Variants in HS3ST1 observed in about 807,000 individuals in gnomAD.
HS3ST1 encodes heparan sulfate-glucosamine 3-sulfotransferase 1, also known as heparan sulfate glucosamine 3-O-sulfotransferase 1.
In HS3ST1, 8 loss-of-function variants were observed where a neutral mutation model predicts 20.7. The observed-to-expected ratio is 0.39, with a 90% CI of 0.23 to 0.70. The LOEUF (loss-of-function observed/expected upper bound fraction) is 0.70. HS3ST1 is among the 30% of genes least tolerant of loss of function. The pLI is 0.46. For missense variants in HS3ST1, 436 were observed against 423.4 expected, an observed-to-expected ratio of 1.03 and a Z score of -0.26; for synonymous variants, 205 against 190.4, an observed-to-expected ratio of 1.08 and a Z score of -0.63.
chr4:11,399,263 A>G lies in HS3ST1; in HGVS notation c.743T>C (p.Phe248Ser). Residue 248 changes from phenylalanine to serine, a missense_variant, in exon 2 of 2, where the codon TTT (phenylalanine) becomes TCT (serine). Physicochemically the swap from Phe to Ser is radical, Grantham distance 155 (BLOSUM62 -2). Transcript: ENST00000002596. This position sits in a 1 kb window ranked among gnomAD's most constrained non-coding sequence, Gnocchi z 5.1. ...GCAGTAAAAGCCCTTGGTTTTGTTA[A>G]AGTAGAAGTTCGAAGCATTGATCTG... is the stretch of plus-strand genomic sequence containing the variant. Reference protein sequence around the residue: ...SPQINASNFYFNKTKGFYCLR... With the variant: ...SPQINASNFYSNKTKGFYCLR... The G allele has an allele frequency of 6.2e-7, 1 of 1,614,172 alleles. No homozygotes were observed. The highest frequency in any genetic ancestry group is 8.5e-7 in the Non-Finnish European group (1 of 1,180,034).
At chr4:11,421,898 C>G (rs963615739) in intron 1 of HS3ST1, among the ~76,000 whole-genome samples, 5 of 152,222 alleles carry the variant, frequency 3.3e-5, no homozygotes, top group African/African-American at 1.2e-4. Flanking sequence ...TTCTTCACTT[C>G]TGGACCTCAG....
At chr4:11,416,273 C>T (rs1267459061) in intron 1 of HS3ST1, among the ~76,000 whole-genome samples, 1 of 152,152 alleles carries the variant, frequency 6.6e-6, no homozygotes, top group Non-Finnish European at 1.5e-5. Flanking sequence ...ACCAAATGCC[C>T]CTCCTTTCAT....
intron 1 of HS3ST1, among the ~76,000 whole-genome samples, chr4:11,422,437 G>A (rs934984539): frequency 6.6e-6 from 1 of 152,160 alleles, no homozygotes; most frequent in Admixed American, 6.6e-5. Context: ...GGTGACTCCA[G>A]ATAAACATAC....
Position 11,415,616 on chromosome 4 carries a change from A to G in HS3ST1, c.-109+13083T>C, listed in dbSNP as rs369490042. ...GAAAATTGATGAGTAAGAAAGAAAC[A>G]TTCTCCAGTGAAAGCAGAAAAATGC... On this transcript the variant is annotated intron_variant, in intron 1 of 1. Coordinates refer to ENST00000002596, the MANE Select transcript of HS3ST1 (RefSeq NM_005114.4). Among the ~76,000 whole-genome samples, 183 of 152,376 alleles carry G rather than the reference A, an allele frequency of 1.2e-3. 2 individuals are homozygous for G. The highest frequency in any genetic ancestry group is 4.2e-3 in the African/African-American group (175 of 41,588).
intron 1 of HS3ST1, among the ~76,000 whole-genome samples, chr4:11,423,709 C>T (rs775769230): frequency 1.3e-5 from 2 of 152,126 alleles, no homozygotes; most frequent in African/African-American, 2.4e-5. Flanking sequence ...ATTGCTGTAA[C>T]CACTTGCAGA....
rs141725988 is a variant in HS3ST1 at position 11,399,169 on chromosome 4, G to C, written c.837C>G (p.Pro279=). 2.1e-4 allele frequency: 338 copies of C among 1,614,034 alleles called. No individual in the cohort carries two copies. The highest frequency in any genetic ancestry group is 2.6e-4 in the Non-Finnish European group (311 of 1,180,034). ...SKGRAHPQVD[P]KLLNKLHEYF... ...ATTCGTGCAGTTTATTGAGTAGTTT[G>C]GGATCGACTTGGGGGTGCGCCCGGC... Residue 279 remains proline, a synonymous_variant, in exon 2 of 2, where the codon CCC becomes CCG. Coordinates refer to ENST00000002596, the MANE Select transcript of HS3ST1 (RefSeq NM_005114.4). This position sits in a 1 kb window ranked among gnomAD's most constrained non-coding sequence, Gnocchi z 5.1.
intron 1 of HS3ST1, among the ~76,000 whole-genome samples, chr4:11,415,454 TTCAC>T (rs761764685): frequency 2.4e-4 from 37 of 152,328 alleles, no homozygotes; most frequent in Admixed American, 1.2e-3. Context: ...CTCAATAGTA[TTCAC>T]TCAATCAATA....
chr4:11,404,634 G>T (rs1718412088), intron 1 of HS3ST1, among the ~76,000 whole-genome samples: 1 of 152,210 alleles, frequency 6.6e-6, no homozygotes, highest in Non-Finnish European at 1.5e-5. Context: ...GTTTGAACCT[G>T]CAGGCAGCAC....
At position 11,399,609 on chromosome 4, in the gene HS3ST1, C is replaced by T; in HGVS notation, c.397G>A (p.Val133Ile). 1.2e-6 allele frequency: 2 copies of T among 1,613,918 alleles called. No homozygotes were observed. The highest frequency in any genetic ancestry group is 1.7e-6 in the Non-Finnish European group (2 of 1,180,038). The change falls in exon 2 of 2, where the codon GTC becomes ATC. Residue 133 changes from valine (V) to isoleucine (I), a missense_variant. Coordinates refer to ENST00000002596, the MANE Select transcript of HS3ST1 (RefSeq NM_005114.4). This position sits in a 1 kb window ranked among gnomAD's most constrained non-coding sequence, Gnocchi z 5.1. ...CGGATGGACGGGTTCATGCTGTAGA[C>T]TCGCTCAGGCACTTTGGGCGACGTG... is the stretch of plus-strand genomic sequence containing the variant. ...YFTSPKVPER[V>I]YSMNPSIRLL...
intron 1 of HS3ST1, among the ~76,000 whole-genome samples, chr4:11,421,965 G>C (rs911536295): frequency 4.6e-5 from 7 of 152,320 alleles, no homozygotes; most frequent in African/African-American, 1.4e-4. Context: ...TCGCAGGACT[G>C]GGTACGAGAG....
intron 1 of HS3ST1, among the ~76,000 whole-genome samples, chr4:11,408,354 T>C (rs1718525060): frequency 6.6e-6 from 1 of 151,528 alleles, no homozygotes; most frequent in African/African-American, 2.4e-5. Flanking sequence ...AAAAAAAAAA[T>C]GTTGGGTGGT....
intron 1 of HS3ST1, among the ~76,000 whole-genome samples, chr4:11,411,659 T>G (rs557744918): frequency 6.6e-6 from 1 of 152,236 alleles, no homozygotes; most frequent in Non-Finnish European, 1.5e-5. Flanking sequence ...ATCTTCAGAT[T>G]AAATGCACTG....
intron 1 of HS3ST1, among the ~76,000 whole-genome samples, chr4:11,422,272 A>T (rs1489467596): frequency 1.3e-5 from 2 of 152,158 alleles, no homozygotes; most frequent in East Asian, 3.8e-4. Context: ...ACCGCTTCCT[A>T]ACTCCCCCAG....
At chr4:11,402,502 G>C (rs1464535294) in intron 1 of HS3ST1, among the ~76,000 whole-genome samples, 1 of 152,110 alleles carries the variant, frequency 6.6e-6, no homozygotes, top group Non-Finnish European at 1.5e-5. Flanking sequence ...ATTGTGCTTG[G>C]CTCTTACATG....
chr4:11,401,789 A>G (rs1718333959), intron 1 of HS3ST1, among the ~76,000 whole-genome samples: 1 of 152,160 alleles, frequency 6.6e-6, no homozygotes, highest in South Asian at 2.1e-4. Context: ...TCTCCTCTTT[A>G]CCTATTTAAG....
chr4:11,427,241 C>T lies in HS3ST1; in HGVS notation c.-109+1458G>A, dbSNP rs568170268. Among the ~76,000 whole-genome samples, 4 of 152,328 alleles carry T rather than the reference C, an allele frequency of 2.6e-5. No individual in the cohort carries two copies. In the East Asian group the frequency reaches 7.7e-4, roughly 29 times the overall value. Reference sequence around the variant, plus strand: ...GGATCCTGCCTGTGCCAGGCTGCTGCCTCAGCAGTGTCCAAGCACCCAGCG... The same window carrying T: ...GGATCCTGCCTGTGCCAGGCTGCTGTCTCAGCAGTGTCCAAGCACCCAGCG... On this transcript the variant is annotated intron_variant, in intron 1 of 1. Transcript: ENST00000002596.
Position 11,398,979 on chromosome 4 carries a change from T to C in HS3ST1, c.*103A>G. 9.5e-7 allele frequency: 1 copy of C among 1,052,648 alleles called. No homozygotes were observed. Among genetic ancestry groups the C allele is most frequent in the Non-Finnish European group, 1.4e-6 (1 of 726,578 alleles). The allele number at this position is 1,052,648 out of a possible 1,614,324, so 65.2% of individuals were successfully genotyped here. ...CTGTACAGAAGTACTTTATGGATTT[T>C]ACAAATAAATTATACCTTAAATGCT... On this transcript the variant is annotated 3_prime_UTR_variant, in exon 2 of 2. Coordinates refer to ENST00000002596, the MANE Select transcript of HS3ST1 (RefSeq NM_005114.4).
At chr4:11,411,168 A>G (rs568332089) in intron 1 of HS3ST1, among the ~76,000 whole-genome samples, 5 of 152,310 alleles carry the variant, frequency 3.3e-5, no homozygotes, top group South Asian at 4.1e-4. Flanking sequence ...GCCAGGCACC[A>G]TGAAAAACAC....
chr4:11,420,508 C>G (rs371575731), intron 1 of HS3ST1, among the ~76,000 whole-genome samples: 1 of 152,164 alleles, frequency 6.6e-6, no homozygotes, highest in Non-Finnish European at 1.5e-5. Context: ...CGCTGTGTGA[C>G]GCTAGTCTTT....
Sources: allele counts gnomAD v4.1 joint callset (sites outside exome capture counted in the v4.1 genomes callset), GRCh38; gene constraint gnomAD v4.1.1; non-coding constraint Gnocchi (gnomAD v3.1); transcripts MANE v1.5; gene names NCBI Gene and HGNC (gene_info 2026-07-23, HGNC 2026-07-21).